The following DAPL1 variants were observed in gnomAD, a reference collection of about 807,000 sequenced individuals.
The protein encoded by DAPL1 is death-associated protein-like 1.
A neutral mutation model predicts 12.9 loss-of-function variants in DAPL1; 17 were observed. The observed-to-expected ratio is 1.32, with a 90% CI of 0.90 to 1.98. The LOEUF (loss-of-function observed/expected upper bound fraction) is 1.98, where lower values mean the gene tolerates loss of function less well. DAPL1 is among the 30% of genes most tolerant of loss of function. The pLI is 0.00. For synonymous variants in DAPL1, 51 were observed against 42.0 expected, an observed-to-expected ratio of 1.21 and a Z score of -0.82; for missense variants, 157 against 125.7, an observed-to-expected ratio of 1.25 and a Z score of -1.19.
rs117095983 is a variant in DAPL1, at chr2:158,815,886, G to A, written c.*65G>A. 3.7e-5 allele frequency: 44 copies of A among 1,189,178 alleles called. No homozygotes were observed. In the East Asian group the frequency reaches 6.3e-4, roughly 17 times the overall value. The allele number at this position is 1,189,178 out of a possible 1,614,324, so 73.7% of individuals were successfully genotyped here. On this transcript the variant is annotated 3_prime_UTR_variant, in exon 4 of 4. Coordinates refer to ENST00000309950, the MANE Select transcript of DAPL1 (RefSeq NM_001017920.3). ...AATATCTGACAGCTTAGCAAAAAGGGCCAAAGCTTTCCATAGGCGTGCTGC... is the reference window on the plus strand; with the variant it reads ...AATATCTGACAGCTTAGCAAAAAGGACCAAAGCTTTCCATAGGCGTGCTGC...
At chr2:158,795,523 C>G in intron 1 of DAPL1, 93 bp downstream of exon 1, 4 of 1,189,516 alleles carry the variant, frequency 3.4e-6, no homozygotes, top group Non-Finnish European at 4.9e-6. Flanking sequence ...ACGGAAGCTT[C>G]TCTGTCTACC....
At chr2:158,800,543 T>C (rs2059161611) in intron 1 of DAPL1, among the ~76,000 whole-genome samples, 1 of 152,220 alleles carries the variant, frequency 6.6e-6, no homozygotes. Flanking sequence ...GTGGAGACAG[T>C]CTGAGAGCAG....
intron 1 of DAPL1, 138 bp from the exon 2 acceptor site, chr2:158,804,144 G>C: frequency 1.8e-6 from 1 of 571,180 alleles, no homozygotes; most frequent in Non-Finnish European, 3.0e-6. Flanking sequence ...ATTTTTTATT[G>C]TGTTGTTTTA....
intron 3 of DAPL1, among the ~76,000 whole-genome samples, chr2:158,811,765 C>T (rs1288997570): frequency 6.6e-6 from 1 of 152,150 alleles, no homozygotes; most frequent in Non-Finnish European, 1.5e-5. Flanking sequence ...CAAGAAACAC[C>T]TTTTATTCTA....
At position 158,815,822 on chromosome 2, in the gene DAPL1, G is replaced by A. The variant is rs1431804154; in HGVS notation, c.*1G>A. The A allele has an allele frequency of 6.2e-7, 1 of 1,604,336 alleles. No homozygotes were observed. The highest frequency in any genetic ancestry group is 1.3e-5 in the African/African-American group (1 of 74,766). Reference sequence around the variant, plus strand: ...TATTCAGCAGCCTCGAAAATGTTAAGCCTGGATTTAAAACACAGCCGTCTG... The same window carrying A: ...TATTCAGCAGCCTCGAAAATGTTAAACCTGGATTTAAAACACAGCCGTCTG... On this transcript the variant is annotated 3_prime_UTR_variant, in exon 4 of 4. Transcript: ENST00000309950.
At chr2:158,807,211 C>A in intron 3 of DAPL1, 96 bp downstream of exon 3, 1 of 882,136 alleles carries the variant, frequency 1.1e-6, no homozygotes, top group Non-Finnish European at 1.7e-6. Context: ...AGGTTTTTTC[C>A]AACCCAGAGG....
chr2:158,798,034 C>T (rs2059144396), intron 1 of DAPL1, among the ~76,000 whole-genome samples: 1 of 152,110 alleles, frequency 6.6e-6, no homozygotes, highest in Admixed American at 6.5e-5. Flanking sequence ...AGAAGAACCC[C>T]ATTATATGAA....
intron 3 of DAPL1, among the ~76,000 whole-genome samples, chr2:158,815,151 A>C (rs2059253216): frequency 6.6e-6 from 1 of 152,236 alleles, no homozygotes; most frequent in South Asian, 2.1e-4. Flanking sequence ...TGAGGCTAGT[A>C]GGCCATCCCT....
intron 3 of DAPL1, among the ~76,000 whole-genome samples, chr2:158,811,295 G>A (rs747960420): frequency 1.3e-5 from 2 of 152,196 alleles, no homozygotes; most frequent in Non-Finnish European, 2.9e-5. Context: ...CACTGTAGGA[G>A]TATCCTTGAA....
chr2:158,797,783 C>A (rs1231933417), intron 1 of DAPL1, among the ~76,000 whole-genome samples: 4 of 145,106 alleles, frequency 2.8e-5, no homozygotes, highest in African/African-American at 7.3e-5. Flanking sequence ...AAGAGTGAGA[C>A]CCCGTCTGAA....
chr2:158,806,855 AT>A (rs1403542104), intron 2 of DAPL1, among the ~76,000 whole-genome samples, 199 bp from the exon 3 acceptor site: 85 of 151,612 alleles, frequency 5.6e-4, no homozygotes, highest in African/African-American at 1.1e-3. Context: ...AAAAATAATA[AT>A]AATAATAATA....
In DAPL1 at chr2:158,810,199, C is replaced by T. The variant is rs568081413; in HGVS notation, c.207+3084C>T. Among the ~76,000 whole-genome samples, 3 of 152,218 alleles carry T rather than the reference C, an allele frequency of 2.0e-5. No individual in the cohort carries two copies. In the East Asian group the frequency reaches 5.8e-4, roughly 29 times the overall value. The stretch of plus-strand genomic sequence containing the variant: ...AGGGTGATTCAAAAAATATATGAAT[C>T]GATATATAAAAGATACAGACATACA... On this transcript the variant is annotated intron_variant, in intron 3 of 3. Coordinates refer to ENST00000309950, the MANE Select transcript of DAPL1 (RefSeq NM_001017920.3).
intron 3 of DAPL1, among the ~76,000 whole-genome samples, chr2:158,811,556 A>C (rs2059230453): frequency 6.6e-6 from 1 of 152,204 alleles, no homozygotes; most frequent in African/African-American, 2.4e-5. Context: ...TCTGAAATGA[A>C]AAATATAGGT....
intron 3 of DAPL1, among the ~76,000 whole-genome samples, chr2:158,811,988 C>T (rs1337026877): frequency 2.0e-5 from 3 of 152,206 alleles, no homozygotes. Flanking sequence ...ACCATTTTAC[C>T]GACAGTTTCA....
Position 158,795,385 on chromosome 2 carries a change from G to C in DAPL1, c.13G>C (p.Val5Leu). 6.4e-7 allele frequency: 1 copy of C among 1,555,796 alleles called. No homozygotes were observed. Among genetic ancestry groups the C allele is most frequent in the Non-Finnish European group, 8.7e-7 (1 of 1,149,324 alleles). The change falls in exon 1 of 4, where the codon GTG (valine) becomes CTG (leucine). Residue 5 changes from valine to leucine, a missense_variant. Transcript: ENST00000309950. ...ACTGGCACACGCTATGGCAAATGAA[G>C]TGCAAGACCTGCTCTCCCCTCGGAA... is the stretch of plus-strand genomic sequence containing the variant. Reference protein sequence around the residue: MANEVQDLLSPRKGG... With the variant: MANELQDLLSPRKGG...
At chr2:158,805,409 G>A (rs868196115) in intron 2 of DAPL1, among the ~76,000 whole-genome samples, 27 of 152,260 alleles carry the variant, frequency 1.8e-4, no homozygotes, top group African/African-American at 5.8e-4. Context: ...GAGGTCACAC[G>A]TTATTTTTCT....
chr2:158,800,425 T>C (rs2059160961), intron 1 of DAPL1, among the ~76,000 whole-genome samples: 2 of 152,182 alleles, frequency 1.3e-5, no homozygotes, highest in Non-Finnish European at 2.9e-5. Flanking sequence ...CCACATAAAA[T>C]AAATATAAAT....
chr2:158,795,465 T>C (rs1432031152), intron 1 of DAPL1, 35 bp downstream of exon 1: 4 of 1,546,048 alleles, frequency 2.6e-6, no homozygotes, highest in Non-Finnish European at 3.5e-6. Flanking sequence ...CTGCAGGCTG[T>C]TGCTGCTCCC....
chr2:158,815,338 C>T (rs774023239), intron 3 of DAPL1, among the ~76,000 whole-genome samples: 11 of 152,234 alleles, frequency 7.2e-5, no homozygotes, highest in Non-Finnish European at 1.2e-4. Context: ...GTTTTTCGTC[C>T]CCACTCTGGA....
Sources: gnomAD v4.1 joint callset for allele counts (sites outside exome capture counted in the v4.1 genomes callset) on GRCh38, gnomAD v4.1.1 for gene constraint, MANE v1.5 for transcripts, NCBI Gene and HGNC (gene_info 2026-07-23, HGNC 2026-07-21) for gene names.